Variants in CAGE1 observed in about 807,000 individuals in gnomAD.
The protein encoded by CAGE1 is cancer-associated gene 1 protein.
A neutral mutation model predicts 94.9 loss-of-function variants in CAGE1; 66 were observed. That is an observed-to-expected ratio of 0.70 (90% CI 0.57 to 0.85). The LOEUF (loss-of-function observed/expected upper bound fraction) is 0.85. CAGE1 is among the 40% of genes least tolerant of loss of function. The pLI is 0.00. For synonymous variants in CAGE1, 319 were observed against 321.0 expected, an observed-to-expected ratio of 0.99 and a Z score of 0.07; for missense variants, 865 against 950.4, an observed-to-expected ratio of 0.91 and a Z score of 1.18.
intron 13 of CAGE1, 77 bp from the exon 14 acceptor site, chr6:7,326,976 A>AT (rs1220201039): frequency 1.5e-5 from 15 of 1,026,876 alleles, no homozygotes; most frequent in African/African-American, 3.2e-5. Context: ...TAAACAGCCA[A>AT]TTTTTTATTA....
rs866486262 is a variant in CAGE1, at chr6:7,336,346, A to G, written c.2370-2256T>C. 4.6e-5 allele frequency among the ~76,000 whole-genome samples: 7 copies of G among 151,196 alleles called. 2 individuals carry two copies. In the Middle Eastern group the frequency reaches 0.024, roughly 518 times the overall value. Reference sequence around the variant, plus strand: ...TGTGTAGAGCTGCACGCAAGAAGCTATAATCTAAGCCTACCTAAATGGAGT... The same window carrying G: ...TGTGTAGAGCTGCACGCAAGAAGCTGTAATCTAAGCCTACCTAAATGGAGT... On this transcript the variant is annotated intron_variant, in intron 11 of 13. Coordinates refer to ENST00000502583, the MANE Select transcript of CAGE1 (RefSeq NM_001170692.2).
intron 11 of CAGE1, chr6:7,347,475 C>T (rs1307049523): frequency 7.5e-6 from 1 of 132,614 alleles, no homozygotes; most frequent in African/African-American, 2.9e-5. Context: ...CCCTTCCTGC[C>T]TGGCCCCACA....
intron 11 of CAGE1, chr6:7,338,914 C>A (rs1581659539): frequency 6.5e-7 from 1 of 1,532,584 alleles, no homozygotes; most frequent in Non-Finnish European, 8.7e-7. Flanking sequence ...GGGTGGTGGG[C>A]AGTTATCTCA....
intron 11 of CAGE1, 71 bp from the exon 12 acceptor site, chr6:7,334,161 T>C (rs975196554): frequency 2.0e-5 from 18 of 913,918 alleles, no homozygotes; most frequent in Non-Finnish European, 2.7e-5. Flanking sequence ...TTAGATTCAC[T>C]GGAGGATTTT....
chr6:7,389,119 G>C, intron 1 of CAGE1, 83 bp downstream of exon 1: 2 of 375,464 alleles, frequency 5.3e-6, no homozygotes, highest in East Asian at 1.5e-4. Context: ...TTTAAGATAG[G>C]AGTTAAAAGA....
intron 1 of CAGE1, among the ~76,000 whole-genome samples, chr6:7,387,949 G>A (rs1761180968): frequency 6.7e-6 from 1 of 150,304 alleles, no homozygotes; most frequent in Admixed American, 6.6e-5. Context: ...GAGGAGAATG[G>A]CGTGAACCCC....
chr6:7,353,100 C>A (rs970956797), intron 11 of CAGE1, among the ~76,000 whole-genome samples: 18 of 152,278 alleles, frequency 1.2e-4, no homozygotes, highest in African/African-American at 4.3e-4. Context: ...GCAGAGTCAA[C>A]AGACAACCCA....
At chr6:7,335,004 C>G (rs1316850242) in intron 11 of CAGE1, among the ~76,000 whole-genome samples, 12 of 152,164 alleles carry the variant, frequency 7.9e-5, no homozygotes. Flanking sequence ...TGTCCACCCT[C>G]TAGAAGCTCG....
chr6:7,341,748 A>T (rs534066992), intron 11 of CAGE1: 1 of 690,530 alleles, frequency 1.4e-6, no homozygotes, highest in East Asian at 3.2e-5. Context: ...CGCTTGGATC[A>T]CACAGAACCA....
chr6:7,333,656 A>C (rs368815720), intron 12 of CAGE1, among the ~76,000 whole-genome samples: 18,185 of 124,586 alleles, frequency 0.15, 1,655 homozygotes, highest in East Asian at 0.33. Context: ...ATATATATAT[A>C]TATATATATA....
chr6:7,375,847 T>C (rs1760723022), intron 4 of CAGE1, among the ~76,000 whole-genome samples: 1 of 152,216 alleles, frequency 6.6e-6, no homozygotes, highest in South Asian at 2.1e-4. Context: ...GAACCTTGTA[T>C]CTTAATGGTT....
In CAGE1 at chr6:7,387,189, G is replaced by A. The variant is rs1276314534; in HGVS notation, c.-16C>T. Reference sequence around the variant, plus strand: ...CCTTGTTCATAACTGTTGAACAATAGAAGACTTCTTTAAAAAAAAAATGTG... The same window carrying A: ...CCTTGTTCATAACTGTTGAACAATAAAAGACTTCTTTAAAAAAAAAATGTG... On this transcript the variant is annotated 5_prime_UTR_variant, in exon 2 of 14. Coordinates refer to ENST00000502583, the MANE Select transcript of CAGE1 (RefSeq NM_001170692.2). The A allele has an allele frequency of 6.6e-7, 1 of 1,523,656 alleles. No homozygotes were observed. The highest frequency in any genetic ancestry group is 2.1e-5 in the Admixed American group (1 of 47,412). The allele number at this position is 1,523,656 out of a possible 1,614,324, so 94.4% of individuals were successfully genotyped here.
At chr6:7,346,491 G>C (rs796911500) in intron 11 of CAGE1, among the ~76,000 whole-genome samples, 9 of 152,216 alleles carry the variant, frequency 5.9e-5, no homozygotes, top group African/African-American at 1.9e-4. Context: ...GGAGATTGCA[G>C]TGAGCCAAGA....
At position 7,389,611 on chromosome 6, in the gene CAGE1, A is replaced by T. The variant is rs1024690332; in HGVS notation, c.-433T>A. On this transcript the variant is annotated 5_prime_UTR_variant, in exon 1 of 14. The change creates a new upstream start codon in the 5' untranslated region. Coordinates refer to ENST00000502583, the MANE Select transcript of CAGE1 (RefSeq NM_001170692.2). ...GGCGCCTCCTGCCGCAGTAAACACA[A>T]AGTGGGGTACAGAAACGAAAACTCC... 8.6e-6 allele frequency: 3 copies of T among 348,066 alleles called. No homozygotes were observed. Among genetic ancestry groups the T allele is most frequent in the Non-Finnish European group, 1.7e-5 (3 of 177,436 alleles). 21.6% of individuals were successfully genotyped at this position (348,066 alleles called of 1,614,324 possible).
At chr6:7,330,633 T>C (rs1183939017) in intron 12 of CAGE1, among the ~76,000 whole-genome samples, 1 of 152,210 alleles carries the variant, frequency 6.6e-6, no homozygotes, top group East Asian at 1.9e-4. Context: ...TTTGAGAGGC[T>C]GCAGAGTAAG....
chr6:7,328,958 GTCTC>G (rs1758643076), intron 13 of CAGE1: 1 of 130,534 alleles, frequency 7.7e-6, no homozygotes, highest in South Asian at 3.0e-4. Context: ...TTGAGATAGA[GTCTC>G]TCTCTGTCGC....
At chr6:7,341,509 T>C in intron 11 of CAGE1, 1 of 1,238,204 alleles carries the variant, frequency 8.1e-7, no homozygotes, top group South Asian at 1.2e-5. Flanking sequence ...GGAGTAGATG[T>C]CACCCAGAAG....
chr6:7,331,307 G>C, intron 12 of CAGE1: 1 of 972,980 alleles, frequency 1.0e-6, no homozygotes, highest in Non-Finnish European at 1.5e-6. Flanking sequence ...ACAAAATCAA[G>C]AAAGCAACCA....
chr6:7,348,885 G>A (rs1457254641), intron 11 of CAGE1, among the ~76,000 whole-genome samples: 1 of 152,150 alleles, frequency 6.6e-6, no homozygotes, highest in African/African-American at 2.4e-5. Flanking sequence ...AAGAAAATAT[G>A]AACAAAGCCT....
Sources: gnomAD v4.1 joint callset for allele counts (sites outside exome capture counted in the v4.1 genomes callset) on GRCh38, gnomAD v4.1.1 for gene constraint, MANE v1.5 for transcripts, NCBI Gene and HGNC (gene_info 2026-07-23, HGNC 2026-07-21) for gene names.